The following HIP1 variants were observed in gnomAD, a reference collection of about 807,000 sequenced individuals.
HIP1 encodes huntingtin-interacting protein 1.
In HIP1, 65 loss-of-function variants were observed where a neutral mutation model predicts 147.6. The observed-to-expected ratio is 0.44, with a 90% confidence interval of 0.36 to 0.54. The LOEUF is 0.54. HIP1 is among the 20% of genes least tolerant of loss of function. The pLI, the probability that HIP1 is intolerant of heterozygous loss-of-function variation, is 0.00. For missense variants in HIP1, 1,061 were observed against 1,299.6 expected, an observed-to-expected ratio of 0.82 and a Z score of 2.82; for synonymous variants, 479 against 504.0, an observed-to-expected ratio of 0.95 and a Z score of 0.67.
chr7:75,597,837 C>T (rs773482610), intron 2 of HIP1, among the ~76,000 whole-genome samples: 15 of 152,052 alleles, frequency 9.9e-5, no homozygotes, highest in Non-Finnish European at 1.8e-4. Flanking sequence ...ACCCCCCTGG[C>T]AGACTCTCTC....
At position 75,589,884 on chromosome 7, in the gene HIP1, C is replaced by T. The variant is rs188913466; in HGVS notation, c.384+2172G>A. Among the ~76,000 whole-genome samples the T allele has an allele frequency of 6.6e-3, 995 of 151,824 alleles. 14 individuals are homozygous for T. The highest frequency in any genetic ancestry group is 0.023 in the African/African-American group (954 of 41,402). On this transcript the variant is annotated intron_variant, in intron 4 of 30. Transcript: ENST00000336926. ...TAGCTGGGACTACAGGCACCCACCACCACGCCCGGCTAATTTTCTGTATTT... is the reference window on the plus strand; with the variant it reads ...TAGCTGGGACTACAGGCACCCACCATCACGCCCGGCTAATTTTCTGTATTT...
intron 1 of HIP1, among the ~76,000 whole-genome samples, chr7:75,673,124 C>T (rs759993975): frequency 2.0e-5 from 3 of 150,890 alleles, no homozygotes; most frequent in South Asian, 2.1e-4. Flanking sequence ...TGGGTTCAAG[C>T]GATTCTCCTG....
At chr7:75,607,871 A>G (rs1289560617) in intron 1 of HIP1, among the ~76,000 whole-genome samples, 1 of 152,172 alleles carries the variant, frequency 6.6e-6, no homozygotes, top group Non-Finnish European at 1.5e-5. Context: ...CACCACAGAG[A>G]CACGATCAGA....
intron 1 of HIP1, among the ~76,000 whole-genome samples, chr7:75,689,386 C>G (rs1800369485): frequency 6.6e-6 from 1 of 151,792 alleles, no homozygotes; most frequent in South Asian, 2.1e-4. Flanking sequence ...CGTCTGTAAT[C>G]CCAGTTTCTT....
chr7:75,660,804 G>A (rs1398210318), intron 1 of HIP1, among the ~76,000 whole-genome samples: 1 of 151,876 alleles, frequency 6.6e-6, no homozygotes, highest in African/African-American at 2.4e-5. Flanking sequence ...CAACAATACC[G>A]CCAAAGCAAC....
intron 1 of HIP1, among the ~76,000 whole-genome samples, chr7:75,684,422 T>C (rs928025678): frequency 8.0e-6 from 1 of 125,346 alleles, no homozygotes; most frequent in Admixed American, 1.1e-4. Flanking sequence ...CACTCCAGCC[T>C]GAGCAACAGA....
At chr7:75,600,509 G>C (rs1796935666) in intron 1 of HIP1, among the ~76,000 whole-genome samples, 1 of 152,042 alleles carries the variant, frequency 6.6e-6, no homozygotes, top group South Asian at 2.1e-4. Context: ...TGTTTTCTTA[G>C]GTACAGATTT....
In HIP1 at chr7:75,553,548, C is replaced by T. The variant is rs782044262; in HGVS notation, c.2200G>A (p.Ala734Thr). 2.5e-5 allele frequency: 40 copies of T among 1,614,046 alleles called. No homozygotes were observed. The highest frequency in any genetic ancestry group is 4.5e-5 in the East Asian group (2 of 44,882). ...ACKQYGRETL[A>T]YLASLEEEGS... Reference sequence around the variant, plus strand: ...TCTTCCTCCAGGGAGGCCAGGTAGGCGAGGGTTTCCCTGCCATACTGCTTA... The same window carrying T: ...TCTTCCTCCAGGGAGGCCAGGTAGGTGAGGGTTTCCCTGCCATACTGCTTA... The change falls in exon 22 of 31, where the codon GCC becomes ACC. Residue 734 changes from alanine to threonine, a missense_variant. By Grantham distance (58) the Ala-to-Thr change is moderately conservative (BLOSUM62 0). Coordinates refer to ENST00000336926, the MANE Select transcript of HIP1 (RefSeq NM_005338.7).
chr7:75,638,473 G>A (rs1798518283), intron 1 of HIP1, among the ~76,000 whole-genome samples: 2 of 152,116 alleles, frequency 1.3e-5, no homozygotes, highest in Non-Finnish European at 2.9e-5. Flanking sequence ...TGCTTAGGAG[G>A]CGAAGGTGTT....
chr7:75,541,653 G>A (rs587725441), intron 29 of HIP1, among the ~76,000 whole-genome samples: 45 of 149,064 alleles, frequency 3.0e-4, no homozygotes, highest in African/African-American at 9.9e-4. Context: ...CCAAGATCAC[G>A]CCACTGCACT....
intron 1 of HIP1, among the ~76,000 whole-genome samples, chr7:75,617,045 C>G (rs1268564068): frequency 6.6e-6 from 1 of 151,138 alleles, no homozygotes; most frequent in African/African-American, 2.4e-5. Flanking sequence ...TAGTTGGGAG[C>G]ACAGGTGCAT....
chr7:75,607,985 G>A (rs1055344083), intron 1 of HIP1, among the ~76,000 whole-genome samples: 1 of 152,170 alleles, frequency 6.6e-6, no homozygotes, highest in Non-Finnish European at 1.5e-5. Context: ...CAAGGGAGCC[G>A]TGACTCAAAG....
intron 2 of HIP1, among the ~76,000 whole-genome samples, chr7:75,596,096 T>A (rs994320419): frequency 1.5e-4 from 23 of 152,188 alleles, no homozygotes; most frequent in Middle Eastern, 3.4e-3. Context: ...CCAGGCATGA[T>A]GGCATGTGCC....
intron 1 of HIP1, among the ~76,000 whole-genome samples, chr7:75,637,563 T>TTTTTTTTGGTGG (rs1584907476): frequency 8.6e-6 from 1 of 116,004 alleles, no homozygotes; most frequent in Non-Finnish European, 1.8e-5. Flanking sequence ...TTTTTTTTTT[T>TTTTTTTTGGTGG]GAGAGGGAGT....
intron 1 of HIP1, among the ~76,000 whole-genome samples, chr7:75,700,751 G>T (rs1800800461): frequency 6.6e-6 from 1 of 151,726 alleles, no homozygotes; most frequent in African/African-American, 2.4e-5. Context: ...TGTCGCCCAG[G>T]CTGGAGTGCA....
In HIP1 at chr7:75,574,589, CAA is replaced by C. The variant is rs67839568; in HGVS notation, c.605-690_605-689del. On this transcript the variant is annotated intron_variant, in intron 7 of 30. Coordinates refer to ENST00000336926, the MANE Select transcript of HIP1 (RefSeq NM_005338.7). ...GGGTGACAAGAGTAAGACACCATCT[CAA>C]AAAAAAAAAAAAAAAAGTGGTTTTG... Among the ~76,000 whole-genome samples the C allele has an allele frequency of 5.3e-4, 58 of 108,610 alleles. 1 individual carries two copies. The highest frequency in any genetic ancestry group is 9.9e-3 in the Middle Eastern group (2 of 202). The allele number at this position is 108,610 out of a possible 152,430, so 71.3% of individuals were successfully genotyped here.
chr7:75,695,487 C>T (rs948349065), intron 1 of HIP1, among the ~76,000 whole-genome samples: 3 of 152,206 alleles, frequency 2.0e-5, no homozygotes, highest in Non-Finnish European at 4.4e-5. Context: ...CTCCAGCCCA[C>T]TCTCCACTGC....
chr7:75,580,000 A>T (rs1795981488), intron 7 of HIP1, among the ~76,000 whole-genome samples: 1 of 152,108 alleles, frequency 6.6e-6, no homozygotes, highest in Non-Finnish European at 1.5e-5. Context: ...CGCGCTGGAG[A>T]GAAGGGGACC....
Position 75,637,993 on chromosome 7 carries a change from CA to C in HIP1, c.121-38747del, listed in dbSNP as rs1452037468. Among the ~76,000 whole-genome samples, 99 of 40,058 alleles carry C rather than the reference CA, an allele frequency of 2.5e-3. 4 individuals are homozygous for C. Among genetic ancestry groups the C allele is most frequent in the Non-Finnish European group, 3.6e-3 (71 of 19,804 alleles). The allele number at this position is 40,058 out of a possible 152,430, so 26.3% of individuals were successfully genotyped here. On this transcript the variant is annotated intron_variant, in intron 1 of 30. Coordinates refer to ENST00000336926, the MANE Select transcript of HIP1 (RefSeq NM_005338.7). Reference sequence around the variant, plus strand: ...CAGACCCAGACCCCCCCCCCCCCCCCACACACACACATACACACACACACAC... The same window carrying C: ...CAGACCCAGACCCCCCCCCCCCCCCCCACACACACATACACACACACACAC...
Sources: gnomAD v4.1 joint callset for allele counts (sites outside exome capture counted in the v4.1 genomes callset) on GRCh38, gnomAD v4.1.1 for gene constraint, MANE v1.5 for transcripts, NCBI Gene and HGNC (gene_info 2026-07-23, HGNC 2026-07-21) for gene names.